Variants in GSK3B observed in about 807,000 individuals in gnomAD.
The protein encoded by GSK3B is glycogen synthase kinase 3 beta.
In GSK3B, 15 loss-of-function variants were observed where a neutral mutation model predicts 56.4. The observed-to-expected ratio is 0.27, with a 90% CI of 0.18 to 0.41. The LOEUF (loss-of-function observed/expected upper bound fraction) is 0.41. Ranked by LOEUF, GSK3B falls within the 10% of genes least tolerant of loss-of-function variation. GSK3B has a pLI of 1.00. For missense variants in GSK3B, 300 were observed against 513.4 expected (o/e 0.58, Z 4.02); for synonymous variants, 181 against 188.9 (o/e 0.96, Z 0.34).
chr3:120,075,115 T>C (rs2058357810), intron 1 of GSK3B, among the ~76,000 whole-genome samples: 1 of 152,170 alleles, frequency 6.6e-6, no homozygotes, highest in African/African-American at 2.4e-5. Flanking sequence ...TGTGATATAT[T>C]AAGAGACTGA....
At position 119,824,596 on chromosome 3, in the gene GSK3B, G is replaced by A. The variant is rs138341826; in HGVS notation, c.*2192C>T. The A allele has an allele frequency of 1.9e-3, 392 of 205,632 alleles. 7 individuals are homozygous for A. Among genetic ancestry groups the A allele is most frequent in the Non-Finnish European group, 8.5e-4 (86 of 100,590 alleles). The allele number at this position is 205,632 out of a possible 1,614,324, so 12.7% of individuals were successfully genotyped here. A position where few individuals can be genotyped will look rare whatever the true frequency, so the allele number is the denominator to read the frequency against. ...TCTTTATAAATTCTGTCTGAAAATG[G>A]TCTATCAACGCCACTACCTTTAAGG... On this transcript the variant is annotated 3_prime_UTR_variant, in exon 11 of 11. Transcript: ENST00000264235.
Position 119,823,534 on chromosome 3 carries a change from T to G in GSK3B, c.*3254A>C, listed in dbSNP as rs552528462. On this transcript the variant is annotated 3_prime_UTR_variant, in exon 11 of 11. Transcript: ENST00000264235. ...GATAAAAGAGGAGAGAGAGAGAGCA[T>G]GGAAGGCTCCCAGAATCTGCTGTTT... 1.6e-5 allele frequency: 3 copies of G among 188,346 alleles called. No homozygotes were observed. The South Asian group carries it at 5.8e-4, about 37-fold the overall frequency. 11.7% of individuals were successfully genotyped at this position (188,346 alleles called of 1,614,324 possible). A position where few individuals can be genotyped will look rare whatever the true frequency, so the allele number is the denominator to read the frequency against.
intron 3 of GSK3B, among the ~76,000 whole-genome samples, chr3:119,938,530 C>T (rs773970853): frequency 7.9e-5 from 12 of 151,916 alleles, no homozygotes; most frequent in Non-Finnish European, 1.3e-4. Context: ...ATGGAAAAAA[C>T]CCCACACGAT....
Position 119,821,413 on chromosome 3 carries a change from AAAT to A in GSK3B, c.*5372_*5374del, listed in dbSNP as rs1487554167. On this transcript the variant is annotated 3_prime_UTR_variant, in exon 11 of 11. Transcript: ENST00000264235. The stretch of plus-strand genomic sequence containing the variant: ...CTGACAGAGTGAGCCAGCCCTAAAA[AAAT>A]GATGTTTCTTTTTGCACTAAGAGAC... The A allele has an allele frequency of 5.9e-5, 9 of 152,362 alleles. No individual in the cohort carries two copies. Among genetic ancestry groups the A allele is most frequent in the African/African-American group, 2.2e-4 (9 of 41,582 alleles). The allele number at this position is 152,362 out of a possible 1,614,324, so 9.4% of individuals were successfully genotyped here.
chr3:119,854,183 GT>G (rs1234529163), intron 9 of GSK3B, among the ~76,000 whole-genome samples: 1 of 152,124 alleles, frequency 6.6e-6, no homozygotes, highest in Admixed American at 6.5e-5. Flanking sequence ...TAATCACGTG[GT>G]TTTTGTCTTT....
At position 120,037,122 on chromosome 3, in the gene GSK3B, T is replaced by C. The variant is rs575703268; in HGVS notation, c.89-34883A>G. Among the ~76,000 whole-genome samples, 3 of 152,324 alleles carry C rather than the reference T, an allele frequency of 2.0e-5. No homozygotes were observed. In the East Asian group the frequency reaches 5.8e-4, roughly 29 times the overall value. On this transcript the variant is annotated intron_variant, in intron 1 of 10. Transcript: ENST00000264235. ...ATATACAGAAGTATAGAAATACTCCTTATTCACTAGCAATTACTTGAAACA... is the reference window on the plus strand; with the variant it reads ...ATATACAGAAGTATAGAAATACTCCCTATTCACTAGCAATTACTTGAAACA...
At chr3:120,022,093 C>G (rs7613197) in intron 1 of GSK3B, among the ~76,000 whole-genome samples, 1 of 152,012 alleles carries the variant, frequency 6.6e-6, no homozygotes, top group African/African-American at 2.4e-5. Flanking sequence ...GAGAAATCTT[C>G]CGTGAAAGGA....
intron 7 of GSK3B, among the ~76,000 whole-genome samples, chr3:119,890,772 G>A (rs1158621384): frequency 6.8e-6 from 1 of 147,154 alleles, no homozygotes; most frequent in Non-Finnish European, 1.5e-5. Flanking sequence ...GGACCATTAT[G>A]TAATTTGTGT....
intron 2 of GSK3B, among the ~76,000 whole-genome samples, chr3:120,001,147 G>A (rs993156079): frequency 3.3e-5 from 2 of 61,110 alleles, no homozygotes; most frequent in South Asian, 1.5e-3. Context: ...ATTGGATCAA[G>A]GGGGTCAACC....
At chr3:119,973,548 G>A (rs1466923200) in intron 2 of GSK3B, among the ~76,000 whole-genome samples, 1 of 152,122 alleles carries the variant, frequency 6.6e-6, no homozygotes, top group Non-Finnish European at 1.5e-5. Flanking sequence ...ATGTCACAAG[G>A]CCTATGTCAC....
intron 10 of GSK3B, among the ~76,000 whole-genome samples, chr3:119,838,491 A>G (rs558731912): frequency 6.6e-6 from 1 of 152,278 alleles, no homozygotes; most frequent in African/African-American, 2.4e-5. Context: ...AGTTTTGTAT[A>G]TTTCTGTCTA....
intron 1 of GSK3B, among the ~76,000 whole-genome samples, chr3:120,032,064 G>T (rs1267548662): frequency 6.6e-6 from 1 of 152,098 alleles, no homozygotes; most frequent in African/African-American, 2.4e-5. Context: ...ATGCATAACA[G>T]ATTTTAAGGC....
At chr3:119,922,108 G>A (rs1195336409) in intron 4 of GSK3B, among the ~76,000 whole-genome samples, 1 of 151,754 alleles carries the variant, frequency 6.6e-6, no homozygotes, top group East Asian at 1.9e-4. Flanking sequence ...CTGCACTCCA[G>A]CCTGGGCAAC....
At position 119,823,609 on chromosome 3, in the gene GSK3B, A is replaced by G. The variant is rs1310739623; in HGVS notation, c.*3179T>C. 1 of 184,246 alleles carries G rather than the reference A, an allele frequency of 5.4e-6. No individual in the cohort carries two copies. Among genetic ancestry groups the G allele is most frequent in the East Asian group, 8.8e-5 (1 of 11,392 alleles). 11.4% of individuals were successfully genotyped at this position (184,246 alleles called of 1,614,324 possible). On this transcript the variant is annotated 3_prime_UTR_variant, in exon 11 of 11. Transcript: ENST00000264235. ...GGAAGAGACGAGCAAAATTTAATCT[A>G]TTCGATATCCTCCAGCTCTAGGGCT...
chr3:119,982,321 G>A (rs534340224), intron 2 of GSK3B, among the ~76,000 whole-genome samples: 2 of 152,278 alleles, frequency 1.3e-5, no homozygotes, highest in Non-Finnish European at 2.9e-5. Flanking sequence ...AAGGATGGCA[G>A]CTCCTCGCCA....
chr3:120,079,407 T>C (rs1285625998), intron 1 of GSK3B, among the ~76,000 whole-genome samples: 1 of 151,942 alleles, frequency 6.6e-6, no homozygotes, highest in Non-Finnish European at 1.5e-5. Flanking sequence ...AAACATTTTT[T>C]TCTTTTTGAG....
chr3:120,005,898 A>G (rs2057723121), intron 1 of GSK3B, among the ~76,000 whole-genome samples: 1 of 152,200 alleles, frequency 6.6e-6, no homozygotes, highest in Non-Finnish European at 1.5e-5. Flanking sequence ...CTAGCATCAT[A>G]ATGACAGGAT....
At position 120,026,526 on chromosome 3, in the gene GSK3B, CACACACACACACACACACACACACACAA is replaced by C. The variant is rs1266486864; in HGVS notation, c.89-24315_89-24288del. 4.4e-3 allele frequency among the ~76,000 whole-genome samples: 632 copies of C among 142,468 alleles called. 4 individuals are homozygous for C. Among genetic ancestry groups the C allele is most frequent in the African/African-American group, 0.017 (611 of 35,092 alleles). The allele number at this position is 142,468 out of a possible 152,430, so 93.5% of individuals were successfully genotyped here. ...ATACCGCCAAATACACACACACACA[CACACACACACACACACACACACACACAA>C]ACACACACACACTCTTTTTTTTTTT... On this transcript the variant is annotated intron_variant, in intron 1 of 10. Coordinates refer to ENST00000264235, the MANE Select transcript of GSK3B (RefSeq NM_001146156.2).
At chr3:119,875,847 T>G (rs540564670) in intron 8 of GSK3B, among the ~76,000 whole-genome samples, 1 of 152,238 alleles carries the variant, frequency 6.6e-6, no homozygotes, top group East Asian at 1.9e-4. Flanking sequence ...CTATCTAATG[T>G]TAAGGTTGGG....
Sources: allele counts gnomAD v4.1 joint callset (sites outside exome capture counted in the v4.1 genomes callset), GRCh38; gene constraint gnomAD v4.1.1; transcripts MANE v1.5; gene names NCBI Gene and HGNC (gene_info 2026-07-23, HGNC 2026-07-21).